DEPDC1B: variants seen among roughly 807,000 people sequenced by gnomAD.
DEPDC1B encodes the protein DEP domain-containing protein 1B.
DEPDC1B carries 51 observed loss-of-function variants against 66.5 expected under a neutral mutation model. The ratio of observed to expected loss-of-function variants is 0.77; its 90% CI spans 0.61 to 0.97. DEPDC1B has a LOEUF of 0.97. Among genes scored for constraint, DEPDC1B ranks in the 50% least tolerant of loss-of-function variants. The probability of loss-of-function intolerance (pLI) is 0.00; values close to 1 mark genes in which losing one functional copy is unlikely to be tolerated. For synonymous variants in DEPDC1B, 226 were observed against 223.6 expected (o/e 1.01, Z -0.10); for missense variants, 552 against 637.1 (o/e 0.87, Z 1.44).
At chr5:60,699,443 G>GAAAAAAAAAAAAAAAAAAAAAAAAAAA (rs528758437) in intron 1 of DEPDC1B, among the ~76,000 whole-genome samples, 1 of 89,364 alleles carries the variant, frequency 1.1e-5, no homozygotes, top group Admixed American at 1.3e-4. Context: ...TTTTCTCCCA[G>GAAAAAAAAAAAAAAAAAAAAAAAAAAA]AAAAAAAAAA....
intron 2 of DEPDC1B, among the ~76,000 whole-genome samples, chr5:60,668,678 G>A (rs763044256): frequency 2.5e-4 from 38 of 152,152 alleles, no homozygotes; most frequent in Non-Finnish European, 4.9e-4. Flanking sequence ...AATTAGGAAC[G>A]GTGAATAAGC....
intron 2 of DEPDC1B, among the ~76,000 whole-genome samples, chr5:60,677,510 G>GTCC (rs1235438995): frequency 6.6e-6 from 1 of 151,994 alleles, no homozygotes; most frequent in Non-Finnish European, 1.5e-5. Context: ...TAAAGATCTA[G>GTCC]TCCTCCCTGT....
intron 2 of DEPDC1B, among the ~76,000 whole-genome samples, chr5:60,681,254 G>T (rs1384200597): frequency 1.3e-5 from 2 of 151,940 alleles, no homozygotes; most frequent in Admixed American, 1.3e-4. Flanking sequence ...ATCACACCTT[G>T]CCCACTACCA....
At chr5:60,636,984 C>T (rs544689708) in intron 7 of DEPDC1B, among the ~76,000 whole-genome samples, 5 of 152,122 alleles carry the variant, frequency 3.3e-5, no homozygotes, top group East Asian at 1.9e-4. Context: ...GCAGTGACAT[C>T]GTAAATATAA....
chr5:60,677,504 G>A (rs2112006412), intron 2 of DEPDC1B, among the ~76,000 whole-genome samples: 1 of 152,136 alleles, frequency 6.6e-6, no homozygotes, highest in East Asian at 1.9e-4. Flanking sequence ...GGATCTTAAA[G>A]ATCTAGTCCT....
chr5:60,625,225 T>C (rs192923024), intron 7 of DEPDC1B, among the ~76,000 whole-genome samples: 13 of 152,168 alleles, frequency 8.5e-5, no homozygotes, highest in African/African-American at 2.7e-4. Context: ...TGTGTCTTTA[T>C]AGTAGAATGA....
At chr5:60,697,643 C>T (rs1754687488) in intron 1 of DEPDC1B, among the ~76,000 whole-genome samples, 1 of 151,780 alleles carries the variant, frequency 6.6e-6, no homozygotes, top group Non-Finnish European at 1.5e-5. Flanking sequence ...GGAATACTCA[C>T]TTTTGAAAAA....
chr5:60,625,911 CT>C (rs1241597074), intron 7 of DEPDC1B, among the ~76,000 whole-genome samples: 1 of 152,168 alleles, frequency 6.6e-6, no homozygotes, highest in East Asian at 1.9e-4. Context: ...TAATCTACCC[CT>C]AATCCTATCC....
At chr5:60,662,541 G>T (rs1753743894) in intron 2 of DEPDC1B, among the ~76,000 whole-genome samples, 1 of 152,196 alleles carries the variant, frequency 6.6e-6, no homozygotes, top group Non-Finnish European at 1.5e-5. Context: ...TTTAGTCATG[G>T]CCCTCAGGCA....
rs184946345 is a variant in DEPDC1B at position 60,658,883 on chromosome 5, C to T, written c.315-11350G>A. Among the ~76,000 whole-genome samples the T allele has an allele frequency of 3.1e-4, 47 of 152,320 alleles. No homozygotes were observed. In the Middle Eastern group the frequency reaches 0.014, roughly 44 times the overall value. On this transcript the variant is annotated intron_variant, in intron 2 of 10. Transcript: ENST00000265036. ...AGCTTTTGCTCACCATCCACCACTG[C>T]TGTTTACCACTGTCGCAGACCGGCC...
At chr5:60,660,119 T>G (rs1309985052) in intron 2 of DEPDC1B, among the ~76,000 whole-genome samples, 1 of 151,776 alleles carries the variant, frequency 6.6e-6, no homozygotes, top group Non-Finnish European at 1.5e-5. Flanking sequence ...TCCACTGTGT[T>G]TCCAAAATCC....
chr5:60,623,097 T>C (rs1752742113), intron 7 of DEPDC1B, among the ~76,000 whole-genome samples: 1 of 152,174 alleles, frequency 6.6e-6, no homozygotes, highest in Non-Finnish European at 1.5e-5. Flanking sequence ...TATACTTTCT[T>C]TTGGAAGGTT....
At chr5:60,624,639 C>T (rs960956404) in intron 7 of DEPDC1B, among the ~76,000 whole-genome samples, 1 of 152,102 alleles carries the variant, frequency 6.6e-6, no homozygotes, top group Non-Finnish European at 1.5e-5. Flanking sequence ...TTAATTCTAG[C>T]GTGGTCAGAA....
At chr5:60,613,799 T>TGC (rs1479559829) in intron 7 of DEPDC1B, among the ~76,000 whole-genome samples, 1 of 99,952 alleles carries the variant, frequency 1.0e-5, no homozygotes, top group Non-Finnish European at 2.1e-5. Context: ...TGTGTGTGTG[T>TGC]GTGTGTGTGT....
intron 1 of DEPDC1B, among the ~76,000 whole-genome samples, chr5:60,692,037 C>T (rs2112044551): frequency 6.6e-6 from 1 of 152,238 alleles, no homozygotes; most frequent in African/African-American, 2.4e-5. Flanking sequence ...TTTGCAACGA[C>T]ATGGATGGAA....
chr5:60,604,174 A>T (rs954515270), intron 8 of DEPDC1B, among the ~76,000 whole-genome samples: 3 of 145,354 alleles, frequency 2.1e-5, no homozygotes, highest in Non-Finnish European at 4.5e-5. Context: ...AAAATATATT[A>T]TAGCATCAAT....
At chr5:60,632,066 C>T (rs1752936905) in intron 7 of DEPDC1B, among the ~76,000 whole-genome samples, 1 of 152,308 alleles carries the variant, frequency 6.6e-6, no homozygotes, top group South Asian at 2.1e-4. Flanking sequence ...TTGGAAATAA[C>T]CTATATAAAG....
chr5:60,664,001 C>T (rs1030927453), intron 2 of DEPDC1B, among the ~76,000 whole-genome samples: 1 of 152,160 alleles, frequency 6.6e-6, no homozygotes, highest in Non-Finnish European at 1.5e-5. Flanking sequence ...ATATGGATTC[C>T]CAGGTACGGT....
rs867355448 is a variant in DEPDC1B, at chr5:60,700,050, C to T, written c.44G>A (p.Arg15Lys). 8 of 1,558,162 alleles carry T rather than the reference C, an allele frequency of 5.1e-6. No homozygotes were observed. In the African/African-American group the frequency reaches 1.1e-4, roughly 21 times the overall value. The stretch of plus-strand genomic sequence containing the variant: ...GGCCCCAGCACACTCACTCACCAGC[C>T]TGGTAGCTCGGTACGGCCCGGGCCC... Reference protein sequence around the residue: ...IVGPGPYRATRLWNETVELFR... With the variant: ...IVGPGPYRATKLWNETVELFR... The change falls in exon 1 of 11, where the codon AGG (arginine) becomes AAG (lysine). Residue 15 changes from arginine to lysine, a missense_variant. Coordinates refer to ENST00000265036, the MANE Select transcript of DEPDC1B (RefSeq NM_018369.3).
Sources: allele counts gnomAD v4.1 joint callset (sites outside exome capture counted in the v4.1 genomes callset), GRCh38; gene constraint gnomAD v4.1.1; transcripts MANE v1.5; gene names NCBI Gene and HGNC (gene_info 2026-07-23, HGNC 2026-07-21).